The following EP300 variants were observed in gnomAD, a reference collection of about 807,000 sequenced individuals.
EP300 encodes histone acetyltransferase p300.
EP300 carries 31 observed loss-of-function variants against 264.0 expected under a neutral mutation model. The observed-to-expected ratio is 0.12, with a 90% CI of 0.09 to 0.16. EP300 has a LOEUF of 0.16. EP300 is among the 10% of genes least tolerant of loss of function. The pLI is 1.00. For synonymous variants in EP300, 1,340 were observed against 1,045.4 expected (o/e 1.28, Z -5.44); for missense variants, 2,766 against 3,052.9 (o/e 0.91, Z 2.21).
At chr22:41,100,996 G>T (rs1411831394) in intron 1 of EP300, among the ~76,000 whole-genome samples, 1 of 152,120 alleles carries the variant, frequency 6.6e-6, no homozygotes, top group Non-Finnish European at 1.5e-5. Flanking sequence ...GATAGTTAAG[G>T]CATAATGAGA....
In EP300 at chr22:41,168,477, T is replaced by C; in HGVS notation, c.3903T>C (p.Phe1301=). Reference sequence around the variant, plus strand: ...TGCCATCTACCAGACTTGGCACCTTTCTAGAGAATCGTGTGAATGACTTTC... The same window carrying C: ...TGCCATCTACCAGACTTGGCACCTTCCTAGAGAATCGTGTGAATGACTTTC... ...KRLPSTRLGT[F]LENRVNDFLR... is the part of the protein sequence containing the mutation. The change falls in exon 24 of 31, where the codon TTT becomes TTC. Residue 1301 remains phenylalanine, a synonymous_variant. Transcript: ENST00000263253. 1 of 1,614,210 alleles carries C rather than the reference T, an allele frequency of 6.2e-7. No individual in the cohort carries two copies. The highest frequency in any genetic ancestry group is 2.2e-5 in the East Asian group (1 of 44,886).
Position 41,117,761 on chromosome 22 carries a change from TCAG to T in EP300, c.673_675del (p.Gln225del). 6.2e-7 allele frequency: 1 copy of T among 1,614,224 alleles called. No individual in the cohort carries two copies. Among genetic ancestry groups the T allele is most frequent in the Non-Finnish European group, 8.5e-7 (1 of 1,180,036 alleles). ...CTGGCAACTTACTGACTGAGCCTCT[TCAG>T]CAGGGCTCTCCCCAGATGGGAGGAC... On this transcript the variant is annotated inframe_deletion, in exon 2 of 31. Transcript: ENST00000263253.
At position 41,129,869 on chromosome 22, in the gene EP300, AAT is replaced by A. The variant is rs1304854723; in HGVS notation, c.1169-18_1169-17del. On this transcript the variant is annotated intron_variant, in intron 4 of 30. Coordinates refer to ENST00000263253, the MANE Select transcript of EP300 (RefSeq NM_001429.4). ...AAAAACATTAACCTGCTCTTGAAAA[AAT>A]ATGTTTTCTTCTCTTTAGTGGCACA... The A allele has an allele frequency of 9.4e-6, 15 of 1,594,924 alleles. No homozygotes were observed. Among genetic ancestry groups the A allele is most frequent in the African/African-American group, 2.7e-5 (2 of 74,500 alleles).
At chr22:41,170,939 A>G (rs1414635090) in intron 27 of EP300, among the ~76,000 whole-genome samples, 2 of 149,478 alleles carry the variant, frequency 1.3e-5, no homozygotes, top group Non-Finnish European at 3.0e-5. Context: ...CTGGGATTAC[A>G]GGCATGAGCC....
intron 19 of EP300, chr22:41,159,250 C>G (rs760019982): frequency 1.3e-5 from 2 of 152,068 alleles, no homozygotes; most frequent in African/African-American, 4.8e-5. Context: ...ATATTAATAC[C>G]CTTTATTTGT....
At chr22:41,160,305 T>G (rs1015931434) in intron 19 of EP300, 19 of 339,874 alleles carry the variant, frequency 5.6e-5, no homozygotes, top group East Asian at 1.3e-4. Context: ...CTGCTTTGTG[T>G]TGTTCTGTCT....
chr22:41,178,864 C>T lies in EP300; in HGVS notation c.7153C>T (p.Leu2385Phe), dbSNP rs752065194. ...QLASNPGMAN[L>F]HGASATDLGL... Reference sequence around the variant, plus strand: ...TGCTAGCAATCCAGGCATGGCAAACCTCCATGGTGCAAGCGCCACGGACCT... The same window carrying T: ...TGCTAGCAATCCAGGCATGGCAAACTTCCATGGTGCAAGCGCCACGGACCT... The change falls in exon 31 of 31, where the codon CTC (leucine) becomes TTC (phenylalanine). Residue 2385 changes from leucine (L) to phenylalanine (F), a missense_variant. Coordinates refer to ENST00000263253, the MANE Select transcript of EP300 (RefSeq NM_001429.4). The T allele has an allele frequency of 1.9e-6, 3 of 1,614,194 alleles. No homozygotes were observed. The highest frequency in any genetic ancestry group is 3.3e-5 in the Admixed American group (2 of 60,018).
At chr22:41,166,699 A>T (rs751716566) in intron 23 of EP300, 33 bp downstream of exon 23, 1 of 1,492,018 alleles carries the variant, frequency 6.7e-7, no homozygotes, top group Admixed American at 1.7e-5. Flanking sequence ...AATTTTGGCA[A>T]AACTTATCTG....
At position 41,131,473 on chromosome 22, in the gene EP300, T is replaced by C. The variant is rs2058919152; in HGVS notation, c.1368T>C (p.Val456=). 8 of 1,614,114 alleles carry C rather than the reference T, an allele frequency of 5.0e-6. No homozygotes were observed. Among genetic ancestry groups the C allele is most frequent in the Non-Finnish European group, 6.8e-6 (8 of 1,180,036 alleles). The change falls in exon 6 of 31, where the codon GTT becomes GTC. Residue 456 remains valine (V), a synonymous_variant. Coordinates refer to ENST00000263253, the MANE Select transcript of EP300 (RefSeq NM_001429.4). ...AGTCTGCCCCCAACCTAAGCACTGTTAGTCAGATTGATCCCAGCTCCATAG... is the reference window on the plus strand; with the variant it reads ...AGTCTGCCCCCAACCTAAGCACTGTCAGTCAGATTGATCCCAGCTCCATAG... ...GQQSAPNLST[V]SQIDPSSIER... is the part of the protein sequence containing the mutation.
intron 2 of EP300, among the ~76,000 whole-genome samples, chr22:41,122,157 CTTTTTTT>C (rs71328774): frequency 6.2e-3 from 222 of 35,870 alleles, no homozygotes; most frequent in Middle Eastern, 0.026. Flanking sequence ...TCTTCTTCTT[CTTTTTTT>C]TTTTTTTTTT....
chr22:41,158,422 C>T lies in EP300; in HGVS notation c.3512C>T (p.Ser1171Phe). ...GYCCGRKLEF[S>F]PQTLCCYGKQ... is the part of the protein sequence containing the mutation. ...TGGTTTCTTTTGCAGTTGGAGTTCTCTCCACAGACACTGTGTTGCTACGGC... is the reference window on the plus strand; with the variant it reads ...TGGTTTCTTTTGCAGTTGGAGTTCTTTCCACAGACACTGTGTTGCTACGGC... Residue 1171 changes from serine (S) to phenylalanine (F), a missense_variant, in exon 19 of 31, where the codon TCT becomes TTT. Coordinates refer to ENST00000263253, the MANE Select transcript of EP300 (RefSeq NM_001429.4). The T allele has an allele frequency of 6.2e-7, 1 of 1,614,138 alleles. No individual in the cohort carries two copies. Among genetic ancestry groups the T allele is most frequent in the South Asian group, 1.1e-5 (1 of 91,072 alleles).
intron 1 of EP300, among the ~76,000 whole-genome samples, chr22:41,097,384 C>T (rs965310566): frequency 1.3e-5 from 2 of 152,196 alleles, no homozygotes; most frequent in African/African-American, 4.8e-5. Flanking sequence ...GAAAGGGTTT[C>T]TGCCTTGGTG....
chr22:41,111,472 C>G (rs2058789867), intron 1 of EP300, among the ~76,000 whole-genome samples: 1 of 152,122 alleles, frequency 6.6e-6, no homozygotes, highest in Admixed American at 6.5e-5. Context: ...TTGCTTTGAA[C>G]TTTCTATGTC....
At chr22:41,147,536 G>C (rs2059018218) in intron 11 of EP300, among the ~76,000 whole-genome samples, 1 of 152,108 alleles carries the variant, frequency 6.6e-6, no homozygotes, top group African/African-American at 2.4e-5. Flanking sequence ...AGGAGATAGA[G>C]ACCATCCTGG....
intron 26 of EP300, 23 bp downstream of exon 26, chr22:41,169,639 T>G: frequency 5.8e-6 from 8 of 1,372,094 alleles, no homozygotes; most frequent in Non-Finnish European, 8.3e-6. Context: ...TGATAATGGC[T>G]TTTTTTCTTT....
chr22:41,178,475 C>T lies in EP300; in HGVS notation c.6764C>T (p.Ala2255Val), dbSNP rs755172061. 9.9e-6 allele frequency: 16 copies of T among 1,614,076 alleles called. No homozygotes were observed. Among genetic ancestry groups the T allele is most frequent in the African/African-American group, 1.3e-5 (1 of 75,002 alleles). Residue 2255 changes from alanine (A) to valine (V), a missense_variant, in exon 31 of 31, where the codon GCC (alanine) becomes GTC (valine). By Grantham distance (64) the Ala-to-Val change is moderately conservative (BLOSUM62 0). Coordinates refer to ENST00000263253, the MANE Select transcript of EP300 (RefSeq NM_001429.4). The stretch of plus-strand genomic sequence containing the variant: ...CAGGCCTTGGGAGCAGAGGCAGGTG[C>T]CAGTCTACAGGCCTATCAGCAGCGA... ...LPQALGAEAG[A>V]SLQAYQQRLL...
At chr22:41,168,419 C>G (rs773428327) in intron 23 of EP300, 30 bp from the exon 24 acceptor site, 34 of 1,613,550 alleles carry the variant, frequency 2.1e-5, no homozygotes, top group Non-Finnish European at 5.9e-6. Flanking sequence ...AAATTTGCAC[C>G]TCAGTAACTT....
rs1246963450 is a variant in EP300 at position 41,179,393 on chromosome 22, C to A, written c.*437C>A. The A allele has an allele frequency of 4.9e-6, 1 of 202,700 alleles. No homozygotes were observed. The highest frequency in any genetic ancestry group is 2.3e-5 in the African/African-American group (1 of 43,140). The allele number at this position is 202,700 out of a possible 1,614,324, so 12.6% of individuals were successfully genotyped here. ...TCCTCACTTTATGGAAGAGTTAAAA[C>A]ATTTCTAAACCAGAGGACAAAAGGG... On this transcript the variant is annotated 3_prime_UTR_variant, in exon 31 of 31. Transcript: ENST00000263253.
chr22:41,174,843 TAAC>T (rs1444091757), intron 29 of EP300: 1 of 152,218 alleles, frequency 6.6e-6, no homozygotes, highest in Non-Finnish European at 1.5e-5. Context: ...GAGAAATAGT[TAAC>T]AAAATCTTTT....
Sources: allele counts gnomAD v4.1 joint callset (sites outside exome capture counted in the v4.1 genomes callset), GRCh38; gene constraint gnomAD v4.1.1; transcripts MANE v1.5; gene names NCBI Gene and HGNC (gene_info 2026-07-23, HGNC 2026-07-21).